The following SHANK2 variants were observed in gnomAD, a reference collection of about 807,000 sequenced individuals.
SHANK2 encodes the protein SH3 and multiple ankyrin repeat domains 2, also known as SH3 and multiple ankyrin repeat domains protein 2.
A neutral mutation model predicts 133.7 loss-of-function variants in SHANK2; 43 were observed. The ratio of observed to expected loss-of-function variants is 0.32; its 90% CI spans 0.25 to 0.41. The LOEUF is 0.41. SHANK2 is among the 10% of genes least tolerant of loss of function. The pLI is 1.00. For missense variants in SHANK2, 1,994 were observed against 2,235.8 expected (o/e 0.89, Z 2.18); for synonymous variants, 1,017 against 952.8 (o/e 1.07, Z -1.24).
At position 70,690,204 on chromosome 11, in the gene SHANK2, A is replaced by C. The variant is rs1945246123; in HGVS notation, c.1853+8484T>G. Among the ~76,000 whole-genome samples, 4 of 152,312 alleles carry C rather than the reference A, an allele frequency of 2.6e-5. No homozygotes were observed. The South Asian group carries it at 8.3e-4, about 32-fold the overall frequency. ...AGAAGAGGACAGATTCCAGTGATAC[A>C]TCAGAAAAAGAATGATATTTTAGTG... is the stretch of plus-strand genomic sequence containing the variant. On this transcript the variant is annotated intron_variant, in intron 15 of 25. Coordinates refer to ENST00000601538, the MANE Select transcript of SHANK2 (RefSeq NM_012309.5).
At chr11:70,681,313 G>A (rs1044410897) in intron 15 of SHANK2, among the ~76,000 whole-genome samples, 2 of 152,304 alleles carry the variant, frequency 1.3e-5, no homozygotes, top group South Asian at 2.1e-4. Context: ...CTCAGGATTC[G>A]CACTGGAGGA....
At chr11:70,783,478 C>T (rs1397103659) in intron 14 of SHANK2, among the ~76,000 whole-genome samples, 2 of 152,134 alleles carry the variant, frequency 1.3e-5, no homozygotes, top group Admixed American at 1.3e-4. Context: ...GGCCCAGATA[C>T]CAGGGACAGC....
At chr11:70,552,638 CTG>C (rs1466983235) in intron 17 of SHANK2, among the ~76,000 whole-genome samples, 4 of 152,176 alleles carry the variant, frequency 2.6e-5, no homozygotes, top group Non-Finnish European at 5.9e-5. Context: ...TGGGCTGCCT[CTG>C]GGGCTCGTCG....
In SHANK2 at chr11:70,773,921, T is replaced by C. The variant is rs530107614; in HGVS notation, c.1777+24522A>G. Among the ~76,000 whole-genome samples the C allele has an allele frequency of 2.0e-5, 3 of 152,334 alleles. No homozygotes were observed. The South Asian group carries it at 6.2e-4, about 32-fold the overall frequency. The stretch of plus-strand genomic sequence containing the variant: ...GCCACTGTGGAACACAGTCTAGCAG[T>C]GCCTCAAAAGGTTAAACCTACAGTT... On this transcript the variant is annotated intron_variant, in intron 14 of 25. Coordinates refer to ENST00000601538, the MANE Select transcript of SHANK2 (RefSeq NM_012309.5).
chr11:70,918,213 CA>C (rs1950296276), intron 10 of SHANK2, among the ~76,000 whole-genome samples: 1 of 152,194 alleles, frequency 6.6e-6, no homozygotes, highest in East Asian at 1.9e-4. Context: ...AGAACGCTTG[CA>C]GCCGCTCCAT....
intron 17 of SHANK2, among the ~76,000 whole-genome samples, chr11:70,523,671 A>G (rs2059358929): frequency 6.6e-6 from 1 of 152,106 alleles, no homozygotes; most frequent in Non-Finnish European, 1.5e-5. Context: ...CCTGGAGGGC[A>G]GTGTTCACCG....
intron 17 of SHANK2, among the ~76,000 whole-genome samples, chr11:70,585,402 C>A (rs1035502901): frequency 6.6e-6 from 1 of 152,172 alleles, no homozygotes; most frequent in African/African-American, 2.4e-5. Flanking sequence ...AGCAGCCAGT[C>A]GGTAAAGCTG....
intron 9 of SHANK2, among the ~76,000 whole-genome samples, chr11:71,062,865 T>C (rs1156808820): frequency 6.6e-6 from 1 of 151,296 alleles, no homozygotes; most frequent in Non-Finnish European, 1.5e-5. Context: ...GGAGCGGTGG[T>C]GCGTGCCTGT....
chr11:70,815,861 G>A (rs562271785), intron 12 of SHANK2, among the ~76,000 whole-genome samples: 2 of 152,318 alleles, frequency 1.3e-5, no homozygotes, highest in Admixed American at 6.5e-5. Flanking sequence ...TTGGGTCAGC[G>A]TTTAGGCAAA....
At chr11:71,095,451 C>T (rs1242139691) in intron 6 of SHANK2, among the ~76,000 whole-genome samples, 1 of 152,190 alleles carries the variant, frequency 6.6e-6, no homozygotes, top group Admixed American at 6.5e-5. Flanking sequence ...CTTTGAGGTC[C>T]TCTTTTGAGA....
chr11:70,707,265 G>A (rs1945681159), intron 14 of SHANK2, among the ~76,000 whole-genome samples: 1 of 151,348 alleles, frequency 6.6e-6, no homozygotes, highest in African/African-American at 2.4e-5. Context: ...TCAGCTACTT[G>A]GGAGGCTGAG....
intron 17 of SHANK2, among the ~76,000 whole-genome samples, chr11:70,565,719 T>C (rs549711789): frequency 4.6e-5 from 7 of 152,242 alleles, no homozygotes; most frequent in Non-Finnish European, 1.0e-4. Context: ...TTGTAAAACC[T>C]ATTACTTTAT....
chr11:70,809,646 T>G (rs1007111266), intron 12 of SHANK2, among the ~76,000 whole-genome samples: 2 of 152,210 alleles, frequency 1.3e-5, no homozygotes, highest in South Asian at 2.1e-4. Context: ...CAGGGCTCCA[T>G]GTACTCCGAT....
At chr11:70,629,225 G>T (rs1334735563) in intron 17 of SHANK2, among the ~76,000 whole-genome samples, 2 of 152,094 alleles carry the variant, frequency 1.3e-5, no homozygotes, top group Admixed American at 1.3e-4. Flanking sequence ...TGTGTTCTCC[G>T]CTGAGCCACA....
intron 2 of SHANK2, among the ~76,000 whole-genome samples, chr11:71,163,093 A>AAAAACATATATATAT: frequency 7.1e-5 from 6 of 84,702 alleles, no homozygotes; most frequent in South Asian, 6.1e-4. Flanking sequence ...AAAAAAAAAA[A>AAAAACATATATATAT]ATACATATAT....
chr11:70,520,954 C>A (rs182393731), intron 17 of SHANK2, among the ~76,000 whole-genome samples: 133 of 152,324 alleles, frequency 8.7e-4, no homozygotes, highest in African/African-American at 3.0e-3. Flanking sequence ...ATGCTCTAGG[C>A]TGCTACCTTT....
chr11:70,711,790 C>T (rs1555026200), intron 14 of SHANK2, among the ~76,000 whole-genome samples: 1 of 152,254 alleles, frequency 6.6e-6, no homozygotes, highest in Non-Finnish European at 1.5e-5. Flanking sequence ...TCACTTGTTC[C>T]TTTTCTCAAT....
At chr11:71,215,255 C>T (rs370960807) in intron 2 of SHANK2, among the ~76,000 whole-genome samples, 15 of 152,342 alleles carry the variant, frequency 9.8e-5, no homozygotes, top group East Asian at 7.7e-4. Flanking sequence ...CGGTGTCCAC[C>T]ACAGTCTCAG....
At chr11:70,617,040 A>AGT (rs1469225861) in intron 17 of SHANK2, among the ~76,000 whole-genome samples, 1 of 150,276 alleles carries the variant, frequency 6.7e-6, no homozygotes, top group African/African-American at 2.5e-5. Flanking sequence ...TGTGTCTATG[A>AGT]GTGTGTGTGT....
Sources: allele counts gnomAD v4.1 joint callset (sites outside exome capture counted in the v4.1 genomes callset), GRCh38; gene constraint gnomAD v4.1.1; transcripts MANE v1.5; gene names NCBI Gene and HGNC (gene_info 2026-07-23, HGNC 2026-07-21).